Variants in DNER observed in about 807,000 individuals in gnomAD.
DNER encodes the protein delta/notch like EGF repeat containing, also known as delta and Notch-like epidermal growth factor-related receptor.
DNER carries 33 observed loss-of-function variants against 78.2 expected under a neutral mutation model. The ratio of observed to expected loss-of-function variants is 0.42; its 90% CI spans 0.32 to 0.56. The LOEUF (loss-of-function observed/expected upper bound fraction) is 0.56. DNER is among the 20% of genes least tolerant of loss of function. DNER has a pLI of 0.11. For missense variants in DNER, 918 were observed against 975.3 expected (o/e 0.94, Z 0.78); for synonymous variants, 417 against 384.8 (o/e 1.08, Z -0.98).
intron 4 of DNER, among the ~76,000 whole-genome samples, chr2:229,563,588 T>A (rs1251190906): frequency 4.9e-4 from 18 of 37,046 alleles, no homozygotes; most frequent in Admixed American, 2.5e-3. Context: ...CCATCATCAT[T>A]AACATCATCA....
intron 1 of DNER, among the ~76,000 whole-genome samples, chr2:229,593,501 T>A (rs1041559636): frequency 2.0e-5 from 3 of 152,184 alleles, no homozygotes; most frequent in Non-Finnish European, 2.9e-5. Flanking sequence ...CCTACAAAAA[T>A]GTGAGCTGCA....
At chr2:229,644,334 CTTTT>C (rs5839345) in intron 1 of DNER, among the ~76,000 whole-genome samples, 20 of 97,530 alleles carry the variant, frequency 2.1e-4, no homozygotes, top group African/African-American at 4.0e-4. Context: ...CTTGCTTTCT[CTTTT>C]TTTTTTTTTT....
chr2:229,570,353 C>A (rs778785115), intron 4 of DNER, among the ~76,000 whole-genome samples: 1 of 152,088 alleles, frequency 6.6e-6, no homozygotes, highest in Non-Finnish European at 1.5e-5. Flanking sequence ...AGAAAGTGGG[C>A]CAGGTGTGGT....
intron 10 of DNER, among the ~76,000 whole-genome samples, chr2:229,398,055 A>G (rs1693187929): frequency 6.6e-6 from 1 of 152,124 alleles, no homozygotes; most frequent in South Asian, 2.1e-4. Context: ...GAAAACAAAA[A>G]CAATAGAGAA....
In DNER at chr2:229,366,881, C is replaced by T. The variant is rs111685443; in HGVS notation, c.2094G>A (p.Arg698=). 1,702 of 1,614,128 alleles carry T rather than the reference C, an allele frequency of 1.1e-3. 15 individuals carry two copies. In the African/African-American group the frequency reaches 0.02, roughly 19 times the overall value. Residue 698 remains arginine (R), a synonymous_variant, in exon 12 of 13, where the codon CGG becomes CGA. Coordinates refer to ENST00000341772, the MANE Select transcript of DNER (RefSeq NM_139072.4). ...SEFSNAIASI[R]HARFGKKSRP... is the part of the protein sequence containing the mutation. ...CCGCCCCCACAGCCAACCTGGCATG[C>T]CGGATGGATGCAATGGCATTGCTGA...
At chr2:229,583,509 G>A (rs953040194) in intron 4 of DNER, among the ~76,000 whole-genome samples, 1 of 152,210 alleles carries the variant, frequency 6.6e-6, no homozygotes, top group African/African-American at 2.4e-5. Flanking sequence ...CTTTCAAACT[G>A]TTGTAAAGTC....
chr2:229,711,207 C>G (rs989688765), intron 1 of DNER, among the ~76,000 whole-genome samples: 1 of 151,904 alleles, frequency 6.6e-6, no homozygotes, highest in Non-Finnish European at 1.5e-5. Flanking sequence ...CCCACCAGCA[C>G]CAAAGGAGGG....
chr2:229,492,445 C>T (rs1457933187), intron 6 of DNER, among the ~76,000 whole-genome samples: 1 of 152,194 alleles, frequency 6.6e-6, no homozygotes, highest in African/African-American at 2.4e-5. Flanking sequence ...CCACTCTATT[C>T]ATAACTAACA....
At chr2:229,594,979 AAAAAAAAAAC>A in intron 1 of DNER, among the ~76,000 whole-genome samples, 1 of 125,512 alleles carries the variant, frequency 8.0e-6, no homozygotes, top group African/African-American at 3.3e-5. Flanking sequence ...AAAAAAAAAA[AAAAAAAAAAC>A]TCTAAATCTG....
intron 11 of DNER, among the ~76,000 whole-genome samples, chr2:229,378,308 G>A (rs930188621): frequency 9.2e-5 from 14 of 152,140 alleles, no homozygotes; most frequent in African/African-American, 3.4e-4. Flanking sequence ...AGTGACAAGA[G>A]GAAACTAATA....
At chr2:229,500,563 C>T (rs576636219) in intron 6 of DNER, among the ~76,000 whole-genome samples, 1 of 152,224 alleles carries the variant, frequency 6.6e-6, no homozygotes, top group African/African-American at 2.4e-5. Flanking sequence ...ATCAGTATTT[C>T]GAGGTGATAT....
intron 1 of DNER, among the ~76,000 whole-genome samples, chr2:229,653,084 G>C (rs1698848619): frequency 6.6e-6 from 1 of 152,206 alleles, no homozygotes; most frequent in Non-Finnish European, 1.5e-5. Context: ...GTATTTCCAT[G>C]AGGCTCAGTT....
intron 8 of DNER, among the ~76,000 whole-genome samples, chr2:229,436,603 G>A (rs1299468498): frequency 6.6e-6 from 1 of 152,152 alleles, no homozygotes; most frequent in Non-Finnish European, 1.5e-5. Flanking sequence ...AGACCTGTCA[G>A]CAGAAACCCT....
intron 1 of DNER, among the ~76,000 whole-genome samples, chr2:229,685,963 G>A (rs1395182164): frequency 1.3e-5 from 2 of 152,076 alleles, no homozygotes; most frequent in African/African-American, 4.8e-5. Flanking sequence ...ACCCATGCAT[G>A]GGTAGAGCTG....
At chr2:229,585,660 CAAAAAAAA>C (rs1553541555) in intron 4 of DNER, among the ~76,000 whole-genome samples, 190 bp downstream of exon 4, 3 of 134,380 alleles carry the variant, frequency 2.2e-5, no homozygotes, top group East Asian at 2.0e-4. Flanking sequence ...ACTCCATCAT[CAAAAAAAA>C]AAAAAAGAAA....
intron 11 of DNER, among the ~76,000 whole-genome samples, chr2:229,387,537 A>G (rs938420962): frequency 1.1e-4 from 16 of 149,962 alleles, no homozygotes; most frequent in African/African-American, 2.7e-4. Context: ...GAAAGAAAGA[A>G]AGAAAGAAAG....
Position 229,357,846 on chromosome 2 carries a change from C to A in DNER, c.*694G>T, listed in dbSNP as rs932673312. The A allele has an allele frequency of 2.6e-5, 4 of 152,328 alleles. No individual in the cohort carries two copies. The highest frequency in any genetic ancestry group is 5.9e-5 in the Non-Finnish European group (4 of 68,022). The allele number at this position is 152,328 out of a possible 1,614,324, so 9.4% of individuals were successfully genotyped here. ...ATTTAATTTACTCACAATATAGAACCCTTGACTTTTTAAAGAAAAATATAG... is the reference window on the plus strand; with the variant it reads ...ATTTAATTTACTCACAATATAGAACACTTGACTTTTTAAAGAAAAATATAG... On this transcript the variant is annotated 3_prime_UTR_variant, in exon 13 of 13. Coordinates refer to ENST00000341772, the MANE Select transcript of DNER (RefSeq NM_139072.4).
intron 6 of DNER, among the ~76,000 whole-genome samples, chr2:229,487,271 C>T (rs1187509915): frequency 6.6e-6 from 1 of 152,188 alleles, no homozygotes; most frequent in African/African-American, 2.4e-5. Flanking sequence ...CAGCCTCTAG[C>T]ACAGAGCCAG....
intron 1 of DNER, among the ~76,000 whole-genome samples, chr2:229,652,263 C>A (rs1027436561): frequency 1.2e-4 from 19 of 152,194 alleles, no homozygotes; most frequent in Admixed American, 1.2e-3. Flanking sequence ...GCCACGCAGA[C>A]TCCTCAACTC....
Sources: gnomAD v4.1 joint callset for allele counts (sites outside exome capture counted in the v4.1 genomes callset) on GRCh38, gnomAD v4.1.1 for gene constraint, MANE v1.5 for transcripts, NCBI Gene and HGNC (gene_info 2026-07-23, HGNC 2026-07-21) for gene names.